The following DOCK1 variants were observed in gnomAD, a reference collection of about 807,000 sequenced individuals.
The protein encoded by DOCK1 is dedicator of cytokinesis protein 1.
A neutral mutation model predicts 262.7 loss-of-function variants in DOCK1; 138 were observed. The ratio of observed to expected loss-of-function variants is 0.53; its 90% CI spans 0.46 to 0.61. DOCK1 has a LOEUF of 0.61. Among genes scored for constraint, DOCK1 ranks in the 20% least tolerant of loss-of-function variants. The pLI is 0.00. For missense variants in DOCK1, 1,908 were observed against 2,370.7 expected (o/e 0.80, Z 4.05); for synonymous variants, 866 against 867.4 (o/e 1.00, Z 0.03).
chr10:127,330,220 A>T (rs1322940967), intron 29 of DOCK1, among the ~76,000 whole-genome samples: 1 of 152,228 alleles, frequency 6.6e-6, no homozygotes, highest in African/African-American at 2.4e-5. Flanking sequence ...TAGAGAGGAC[A>T]TATCAGAATT....
intron 29 of DOCK1, among the ~76,000 whole-genome samples, chr10:127,323,003 G>A (rs558405626): frequency 8.5e-5 from 13 of 152,302 alleles, no homozygotes; most frequent in South Asian, 2.1e-4. Context: ...AGGATAGCGT[G>A]TGCTTCCCCT....
chr10:127,085,891 G>T lies in DOCK1; in HGVS notation c.2446-20340G>T, dbSNP rs76376028. On this transcript the variant is annotated intron_variant, in intron 23 of 51. Transcript: ENST00000623213. ...ATTTTTCTTATTGTATCACAGTCCA[G>T]TTGTGGGACATTGTGGATCACTGCA... 2.9e-3 allele frequency among the ~76,000 whole-genome samples: 448 copies of T among 152,282 alleles called. 1 individual carries two copies. The highest frequency in any genetic ancestry group is 0.01 in the African/African-American group (419 of 41,548).
At chr10:127,169,989 G>C (rs1338803919) in intron 27 of DOCK1, among the ~76,000 whole-genome samples, 1 of 151,976 alleles carries the variant, frequency 6.6e-6, no homozygotes, top group Non-Finnish European at 1.5e-5. Context: ...TGAACTCAGG[G>C]GGTTCCTTTA....
intron 1 of DOCK1, among the ~76,000 whole-genome samples, chr10:126,920,350 G>C (rs1403588197): frequency 6.6e-6 from 1 of 152,212 alleles, no homozygotes; most frequent in East Asian, 1.9e-4. Context: ...TTTGTCTGCA[G>C]TGACTGGATT....
intron 29 of DOCK1, 58 bp from the exon 30 acceptor site, chr10:127,338,948 C>A: frequency 7.0e-7 from 1 of 1,430,582 alleles, no homozygotes; most frequent in Non-Finnish European, 9.6e-7. Flanking sequence ...AAATGCCAAA[C>A]CTACCGAAGT....
At chr10:127,049,980 T>C in intron 21 of DOCK1, among the ~76,000 whole-genome samples, 1 of 145,560 alleles carries the variant, frequency 6.9e-6, no homozygotes, top group East Asian at 2.0e-4. Flanking sequence ...TTTTTTTTTT[T>C]TTTTTTTTTT....
At chr10:126,946,111 AATATATATAACAT>A (rs2134294542) in intron 1 of DOCK1, among the ~76,000 whole-genome samples, 1 of 152,256 alleles carries the variant, frequency 6.6e-6, no homozygotes, top group Non-Finnish European at 1.5e-5. Context: ...TTATGGGAAA[AATATATATAACAT>A]AGAATTTTCC....
At position 127,095,647 on chromosome 10, in the gene DOCK1, C is replaced by T. The variant is rs1345174605; in HGVS notation, c.2446-10584C>T. Among the ~76,000 whole-genome samples, 5 of 147,964 alleles carry T rather than the reference C, an allele frequency of 3.4e-5. No homozygotes were observed. In the East Asian group the frequency reaches 6.0e-4, roughly 18 times the overall value. On this transcript the variant is annotated intron_variant, in intron 23 of 51. Coordinates refer to ENST00000623213, the MANE Select transcript of DOCK1 (RefSeq NM_001290223.2). The stretch of plus-strand genomic sequence containing the variant: ...CAGGCACCCATCTGTGACACAACCA[C>T]GTGGGCCAGGAAGCTGTGTGTGTGT...
intron 49 of DOCK1, among the ~76,000 whole-genome samples, chr10:127,441,682 A>C (rs1341690099): frequency 6.6e-6 from 1 of 151,792 alleles, no homozygotes; most frequent in African/African-American, 2.4e-5. Context: ...CCTGGGGACA[A>C]CACCAGCCAC....
At chr10:127,239,685 G>A (rs938023377) in intron 27 of DOCK1, among the ~76,000 whole-genome samples, 5 of 151,938 alleles carry the variant, frequency 3.3e-5, no homozygotes, top group African/African-American at 4.8e-5. Context: ...AGTTACGCTC[G>A]TTTCTATTAT....
rs145785716 is a variant in DOCK1 at position 127,031,759 on chromosome 10, T to C, written c.1728+6T>C. On this transcript the variant is annotated splice_donor_region_variant and intron_variant, in intron 17 of 51. Coordinates refer to ENST00000623213, the MANE Select transcript of DOCK1 (RefSeq NM_001290223.2). ...ACGATCTTATCGTCTATAAGGTATC[T>C]GGTTGCATTGGTGCAATATTGCTGC... is the stretch of plus-strand genomic sequence containing the variant. The C allele has an allele frequency of 7.8e-4, 1,250 of 1,608,968 alleles. 8 individuals carry two copies. In the African/African-American group the frequency reaches 0.015, roughly 20 times the overall value.
chr10:127,443,660 T>C (rs11598497), intron 49 of DOCK1, among the ~76,000 whole-genome samples: 5,404 of 152,178 alleles, frequency 0.036, 295 homozygotes, highest in African/African-American at 0.12. Context: ...GGTCATACAG[T>C]GGTCAAATCT....
At chr10:126,982,042 C>T (rs764268345) in intron 4 of DOCK1, 69 bp downstream of exon 4, 44 of 1,530,776 alleles carry the variant, frequency 2.9e-5, no homozygotes, top group African/African-American at 8.2e-5. Context: ...CTCTTTTGTA[C>T]GATGGCGTAA....
At chr10:127,040,975 T>C (rs2043977268) in intron 19 of DOCK1, among the ~76,000 whole-genome samples, 1 of 152,216 alleles carries the variant, frequency 6.6e-6, no homozygotes, top group Non-Finnish European at 1.5e-5. Context: ...ATTTACCTGT[T>C]CTGGATATTT....
At chr10:127,034,686 G>A (rs2043472378) in intron 18 of DOCK1, among the ~76,000 whole-genome samples, 1 of 152,192 alleles carries the variant, frequency 6.6e-6, no homozygotes, top group Non-Finnish European at 1.5e-5. Context: ...TAGGTGCCAT[G>A]TGTTGCAGTG....
intron 27 of DOCK1, among the ~76,000 whole-genome samples, chr10:127,128,708 A>G (rs2050127208): frequency 6.6e-6 from 1 of 152,126 alleles, no homozygotes; most frequent in South Asian, 2.1e-4. Context: ...TGTCCCTGCA[A>G]AGGACATGAA....
At position 127,378,408 on chromosome 10, in the gene DOCK1, T is replaced by TG. The variant is rs368145498; in HGVS notation, c.3676-1668dup. On this transcript the variant is annotated intron_variant, in intron 35 of 51. Coordinates refer to ENST00000623213, the MANE Select transcript of DOCK1 (RefSeq NM_001290223.2). ...GCACAGATGTCAGTCAGCGCTGGTG[T>TG]GGGGGGACTTGAGAGACAAGGCTGC... Among the ~76,000 whole-genome samples the TG allele has an allele frequency of 7.3e-3, 1,109 of 152,106 alleles. 6 individuals are homozygous for TG. The highest frequency in any genetic ancestry group is 0.026 in the African/African-American group (1,076 of 41,490).
At chr10:127,014,416 C>T (rs1049119928) in intron 12 of DOCK1, among the ~76,000 whole-genome samples, 6 of 151,180 alleles carry the variant, frequency 4.0e-5, no homozygotes, top group Admixed American at 6.6e-5. Context: ...ATTTTTAAAG[C>T]GTGTGGTAAT....
At chr10:127,198,824 A>G (rs2057331737) in intron 27 of DOCK1, among the ~76,000 whole-genome samples, 2 of 151,516 alleles carry the variant, frequency 1.3e-5, no homozygotes, top group African/African-American at 4.9e-5. Context: ...AAATCAAAAT[A>G]TTGGTGAAAA....
Sources: gnomAD v4.1 joint callset for allele counts (sites outside exome capture counted in the v4.1 genomes callset) on GRCh38, gnomAD v4.1.1 for gene constraint, MANE v1.5 for transcripts, NCBI Gene and HGNC (gene_info 2026-07-23, HGNC 2026-07-21) for gene names.